The following DCDC2 variants were observed in gnomAD, a reference collection of about 807,000 sequenced individuals.
DCDC2 encodes doublecortin domain-containing protein 2.
In DCDC2, 40 loss-of-function variants were observed where a neutral mutation model predicts 50.2. The ratio of observed to expected loss-of-function variants is 0.80; its 90% CI spans 0.62 to 1.04. The LOEUF is 1.04. Among genes scored for constraint, DCDC2 ranks in the 50% least tolerant of loss-of-function variants. The pLI is 0.00. For missense variants in DCDC2, 570 were observed against 581.9 expected (o/e 0.98, Z 0.21); for synonymous variants, 234 against 210.6 (o/e 1.11, Z -0.96).
At chr6:24,237,332 C>T (rs1258034941) in intron 7 of DCDC2, among the ~76,000 whole-genome samples, 2 of 152,128 alleles carry the variant, frequency 1.3e-5, no homozygotes, top group Non-Finnish European at 2.9e-5. Flanking sequence ...GGTTTACCTA[C>T]ATAACAAACC....
chr6:24,304,763 A>G (rs1160305310), intron 2 of DCDC2, among the ~76,000 whole-genome samples: 1 of 152,138 alleles, frequency 6.6e-6, no homozygotes, highest in Non-Finnish European at 1.5e-5. Flanking sequence ...ATAATTTATC[A>G]TGGAGATTGT....
upstream of DCDC2, among the ~76,000 whole-genome samples, chr6:24,361,350 T>C (rs9467123): frequency 0.43 from 65,353 of 151,094 alleles, 15,206 homozygotes; most frequent in African/African-American, 0.62. Flanking sequence ...GGTGATGAAA[T>C]AATCTGTACA....
chr6:24,368,742 A>G, the DCDC2 span, among the ~76,000 whole-genome samples: 2 of 152,176 alleles, frequency 1.3e-5, no homozygotes, highest in East Asian at 3.8e-4. Context: ...ATGGTGAATG[A>G]AGACACTGGT....
At chr6:24,291,780 C>A (rs1021252067) in intron 4 of DCDC2, among the ~76,000 whole-genome samples, 1 of 152,114 alleles carries the variant, frequency 6.6e-6, no homozygotes, top group African/African-American at 2.4e-5. Flanking sequence ...CCACCGCGCC[C>A]GGCCTTGTTA....
chr6:24,274,630 GAAGAA>G (rs1180802432), intron 7 of DCDC2, among the ~76,000 whole-genome samples: 37 of 104,018 alleles, frequency 3.6e-4, no homozygotes, highest in African/African-American at 7.0e-4. Context: ...AAAAAAAAAA[GAAGAA>G]AAGAAAAGAA....
At position 24,357,637 on chromosome 6, in the gene DCDC2, C is replaced by T. The variant is rs1329904375; in HGVS notation, c.114G>A (p.Glu38=). The change falls in exon 1 of 10, where the codon GAG becomes GAA. Residue 38 remains glutamate, a synonymous_variant. Transcript: ENST00000378454. The stretch of plus-strand genomic sequence containing the variant: ...AGACTTCGAAGCTGGACACCTTCTT[C>T]TCATGGATGACGACGCGGCGCCCCG... The part of the protein sequence containing the change: ...FYAGRRVVIH[E]KKVSSFEVFL... 6.2e-7 allele frequency: 1 copy of T among 1,613,488 alleles called. No individual in the cohort carries two copies. Among genetic ancestry groups the T allele is most frequent in the East Asian group, 2.2e-5 (1 of 44,884 alleles).
intron 7 of DCDC2, among the ~76,000 whole-genome samples, chr6:24,234,647 T>C (rs912394361): frequency 1.3e-5 from 2 of 152,146 alleles, no homozygotes; most frequent in Non-Finnish European, 2.9e-5. Flanking sequence ...ATTGTGAGTA[T>C]GTACTAAAAG....
intron 2 of DCDC2, among the ~76,000 whole-genome samples, chr6:24,343,339 G>A (rs1014388830): frequency 4.6e-5 from 7 of 152,142 alleles, no homozygotes; most frequent in South Asian, 4.2e-4. Flanking sequence ...GTCAGCCACC[G>A]TGCCCCGCCT....
At chr6:24,214,612 C>T (rs926463869) in intron 7 of DCDC2, among the ~76,000 whole-genome samples, 4 of 152,144 alleles carry the variant, frequency 2.6e-5, no homozygotes, top group Admixed American at 2.6e-4. Context: ...GTATATATAG[C>T]TTTAATTCTT....
intron 6 of DCDC2, 29 bp downstream of exon 6, chr6:24,288,823 C>T (rs1420760612): frequency 3.8e-6 from 6 of 1,588,246 alleles, no homozygotes; most frequent in Non-Finnish European, 5.2e-6. Context: ...AAATATAGAA[C>T]ATCAACGAGG....
chr6:24,298,468 G>A (rs577555693), intron 4 of DCDC2, among the ~76,000 whole-genome samples: 6 of 152,304 alleles, frequency 3.9e-5, no homozygotes, highest in East Asian at 3.9e-4. Context: ...CTCTGGAGCC[G>A]GAATGCCTAC....
chr6:24,259,709 A>G (rs1439410702), intron 7 of DCDC2, among the ~76,000 whole-genome samples: 1 of 152,136 alleles, frequency 6.6e-6, no homozygotes, highest in Admixed American at 6.5e-5. Context: ...TCAAAATTCT[A>G]TGCCTAGAAC....
chr6:24,358,936 T>TATATATA (rs1561788593), upstream of DCDC2, among the ~76,000 whole-genome samples: 3 of 16,986 alleles, frequency 1.8e-4, no homozygotes, highest in African/African-American at 2.4e-4. Flanking sequence ...TATTATATAT[T>TATATATA]TTATATATTA....
At chr6:24,295,433 C>T (rs1167680484) in intron 4 of DCDC2, among the ~76,000 whole-genome samples, 1 of 152,156 alleles carries the variant, frequency 6.6e-6, no homozygotes, top group Non-Finnish European at 1.5e-5. Context: ...TCTCTCGCCA[C>T]TCCTATTCAA....
At chr6:24,255,133 G>T (rs760247276) in intron 7 of DCDC2, among the ~76,000 whole-genome samples, 1 of 152,110 alleles carries the variant, frequency 6.6e-6, no homozygotes, top group East Asian at 1.9e-4. Context: ...CCAAGGGAAA[G>T]GTATAGAGAG....
intron 8 of DCDC2, among the ~76,000 whole-genome samples, chr6:24,193,491 G>C (rs1010450983): frequency 3.3e-5 from 5 of 152,158 alleles, no homozygotes; most frequent in African/African-American, 1.2e-4. Flanking sequence ...AATGTATCAA[G>C]AGGACAGTAA....
rs777817365 is a variant in DCDC2 at position 24,280,622 on chromosome 6, C to T, written c.760-2411G>A. Among the ~76,000 whole-genome samples, 112 of 151,988 alleles carry T rather than the reference C, an allele frequency of 7.4e-4. 1 individual carries two copies. The highest frequency in any genetic ancestry group is 1.6e-3 in the Admixed American group (24 of 15,260). On this transcript the variant is annotated intron_variant, in intron 6 of 9. Transcript: ENST00000378454. ...TGCAATCTCGGCTCACTGCAACCTC[C>T]GCCACCTAGGTTCAAGAGATTCTCC...
At chr6:24,250,162 G>A (rs895942334) in intron 7 of DCDC2, among the ~76,000 whole-genome samples, 1 of 152,176 alleles carries the variant, frequency 6.6e-6, no homozygotes, top group African/African-American at 2.4e-5. Context: ...TCAGAGGTAG[G>A]CAGTGAGTGG....
Position 24,291,059 on chromosome 6 carries a change from T to C in DCDC2, c.577A>G (p.Lys193Glu). Residue 193 changes from lysine (K) to glutamate (E), a missense_variant, in exon 5 of 10, where the codon AAA becomes GAA. Physicochemically the swap from Lys to Glu is moderately conservative, Grantham distance 56. Transcript: ENST00000378454. ...AACTCTGCTCCACTCTCAACAAGTT[T>C]TCCTTCTAAAGTATAAAGCCTGTCG... ...AVHRLYTLEGKLVESGAELEN... is the reference protein window; with the variant it reads ...AVHRLYTLEGELVESGAELEN... 6.2e-7 allele frequency: 1 copy of C among 1,613,194 alleles called. No individual in the cohort carries two copies. The highest frequency in any genetic ancestry group is 8.5e-7 in the Non-Finnish European group (1 of 1,179,772).
Sources: allele counts gnomAD v4.1 joint callset (sites outside exome capture counted in the v4.1 genomes callset), GRCh38; gene constraint gnomAD v4.1.1; transcripts MANE v1.5; gene names NCBI Gene and HGNC (gene_info 2026-07-23, HGNC 2026-07-21).